The following SPG21 variants were observed in gnomAD, a reference collection of about 807,000 sequenced individuals.
The protein encoded by SPG21 is SPG21 abhydrolase domain containing, maspardin.
A neutral mutation model predicts 38.9 loss-of-function variants in SPG21; 26 were observed. The ratio of observed to expected loss-of-function variants is 0.67; its 90% CI spans 0.49 to 0.93. The LOEUF is 0.93. Ranked by LOEUF, SPG21 falls within the 40% of genes least tolerant of loss-of-function variation. SPG21 has a pLI of 0.00. For synonymous variants in SPG21, 136 were observed against 128.9 expected (o/e 1.05, Z -0.37); for missense variants, 333 against 376.5 (o/e 0.88, Z 0.96).
At chr15:64,979,305 T>C (rs2085842677) in intron 3 of SPG21, among the ~76,000 whole-genome samples, 3 of 152,070 alleles carry the variant, frequency 2.0e-5, no homozygotes, top group African/African-American at 7.2e-5. Flanking sequence ...TTGCTCGGTT[T>C]CCCCCTCCCT....
chr15:64,968,319 AAC>A (rs1408314222), intron 7 of SPG21, among the ~76,000 whole-genome samples: 1 of 148,356 alleles, frequency 6.7e-6, no homozygotes. Flanking sequence ...CAGCCTGGGG[AAC>A]AGAGTGAGAC....
At chr15:64,987,929 G>A (rs576056921) in intron 1 of SPG21, among the ~76,000 whole-genome samples, 26 of 152,346 alleles carry the variant, frequency 1.7e-4, no homozygotes, top group South Asian at 4.1e-4. Flanking sequence ...AGCTACGCAG[G>A]AAGCTGAGGC....
chr15:64,983,711 C>A, intron 1 of SPG21, 118 bp from the exon 2 acceptor site: 1 of 696,126 alleles, frequency 1.4e-6, no homozygotes, highest in Non-Finnish European at 2.5e-6. Flanking sequence ...AGGAAACTGG[C>A]TATTTTGTCA....
At position 64,974,759 on chromosome 15, in the gene SPG21, C is replaced by G; in HGVS notation, c.307-12G>C. ...CCAAAAAGATGAACCTAATTATAAA[C>G]AAATATAAGGCAGATTCTGAAATAC... On this transcript the variant is annotated splice_polypyrimidine_tract_variant and intron_variant, in intron 4 of 8. Transcript: ENST00000204566. 1.2e-6 allele frequency: 2 copies of G among 1,614,040 alleles called. No individual in the cohort carries two copies. The highest frequency in any genetic ancestry group is 1.7e-6 in the Non-Finnish European group (2 of 1,179,990).
chr15:64,971,434 G>A (rs1378641701), intron 5 of SPG21, among the ~76,000 whole-genome samples: 6 of 152,068 alleles, frequency 3.9e-5, no homozygotes, highest in South Asian at 2.1e-4. Flanking sequence ...AGCTACTCGG[G>A]AGGCTGAGGC....
chr15:64,974,827 T>A, intron 4 of SPG21, 80 bp from the exon 5 acceptor site: 1 of 1,506,056 alleles, frequency 6.6e-7, no homozygotes, highest in Non-Finnish European at 9.2e-7. Flanking sequence ...GCTTCAATTA[T>A]CACTAACCAC....
At chr15:64,988,772 G>A (rs1049476760) in intron 1 of SPG21, 3 of 152,370 alleles carry the variant, frequency 2.0e-5, no homozygotes, top group African/African-American at 7.2e-5. Context: ...CACGAGGTCA[G>A]GAGATCGAGG....
intron 7 of SPG21, among the ~76,000 whole-genome samples, chr15:64,968,534 G>A (rs1039150156): frequency 6.6e-6 from 1 of 151,980 alleles, no homozygotes; most frequent in African/African-American, 2.4e-5. Context: ...ATCAGAGGCC[G>A]GGGGAAGAAA....
At chr15:64,969,159 A>C in intron 7 of SPG21, 96 bp downstream of exon 7, 1 of 863,870 alleles carries the variant, frequency 1.2e-6, no homozygotes, top group Non-Finnish European at 1.9e-6. Context: ...CAGCATTTGA[A>C]GAGGTACATT....
At chr15:64,966,548 A>G (rs1052843294) in intron 7 of SPG21, among the ~76,000 whole-genome samples, 9 of 152,170 alleles carry the variant, frequency 5.9e-5, no homozygotes, top group African/African-American at 2.2e-4. Flanking sequence ...AGAGGATGAT[A>G]AGAAGTTGTT....
chr15:64,982,698 T>C (rs2085907019), intron 2 of SPG21, among the ~76,000 whole-genome samples: 1 of 152,196 alleles, frequency 6.6e-6, no homozygotes, highest in African/African-American at 2.4e-5. Context: ...TGGGATTAAT[T>C]TGGGAAGCAG....
At chr15:64,972,833 AAAAC>A (rs374213089) in intron 5 of SPG21, among the ~76,000 whole-genome samples, 12 of 151,952 alleles carry the variant, frequency 7.9e-5, no homozygotes, top group East Asian at 5.8e-4. Context: ...CTCCATCTCA[AAAAC>A]AAACAAACAA....
In SPG21 at chr15:64,963,505, A is replaced by G. The variant is rs1057225709; in HGVS notation, c.*115T>C. On this transcript the variant is annotated 3_prime_UTR_variant, in exon 9 of 9. Transcript: ENST00000204566. ...ACCATCAGTCCTACTTCCCAGACAC[A>G]GTGAGAACCGGTGAGCCTGACGAAC... The G allele has an allele frequency of 7.6e-6, 6 of 794,094 alleles. No individual in the cohort carries two copies. The African/African-American group carries it at 1.0e-4, about 13-fold the overall frequency. 49.2% of individuals were successfully genotyped at this position (794,094 alleles called of 1,614,324 possible). A position where few individuals can be genotyped will look rare whatever the true frequency, so the allele number is the denominator to read the frequency against.
chr15:64,966,826 G>A (rs1342939171), intron 7 of SPG21, among the ~76,000 whole-genome samples: 1 of 152,104 alleles, frequency 6.6e-6, no homozygotes, highest in African/African-American at 2.4e-5. Context: ...GTCAACCCAG[G>A]AGGCGGAGCT....
intron 3 of SPG21, 130 bp downstream of exon 3, chr15:64,980,734 T>C: frequency 1.2e-6 from 1 of 822,184 alleles, no homozygotes; most frequent in East Asian, 2.8e-5. Flanking sequence ...TGAGAATCCA[T>C]CTCAACAAAC....
At chr15:64,970,350 G>T in intron 5 of SPG21, 128 bp from the exon 6 acceptor site, 2 of 755,394 alleles carry the variant, frequency 2.6e-6, no homozygotes, top group Non-Finnish European at 4.6e-6. Flanking sequence ...CCTCCAAAGA[G>T]CTCAGCATCT....
chr15:64,987,787 C>T (rs2086024863), intron 1 of SPG21, among the ~76,000 whole-genome samples: 2 of 152,210 alleles, frequency 1.3e-5, no homozygotes, highest in South Asian at 4.1e-4. Context: ...ATAATCCCAG[C>T]ACTTTGGGAG....
rs2085523526 is a variant in SPG21, at chr15:64,965,464, TA to T, written c.670-5del. 1 of 1,614,150 alleles carries T rather than the reference TA, an allele frequency of 6.2e-7. No individual in the cohort carries two copies. The highest frequency in any genetic ancestry group is 8.5e-7 in the Non-Finnish European group (1 of 1,180,024). Reference sequence around the variant, plus strand: ...AAAGCGCACTCTGATCAAACACCTTTAAAAAACACAAAGCTTCAGCACCATA... The same window carrying T: ...AAAGCGCACTCTGATCAAACACCTTTAAAAACACAAAGCTTCAGCACCATA... On this transcript the variant is annotated splice_polypyrimidine_tract_variant and splice_region_variant and intron_variant, in intron 7 of 8. Coordinates refer to ENST00000204566, the MANE Select transcript of SPG21 (RefSeq NM_016630.7).
intron 5 of SPG21, among the ~76,000 whole-genome samples, chr15:64,972,698 G>T (rs1246015467): frequency 1.3e-5 from 2 of 152,196 alleles, no homozygotes; most frequent in African/African-American, 2.4e-5. Flanking sequence ...CAGGCATGGT[G>T]GCGGGCGCCT....
Sources: allele counts gnomAD v4.1 joint callset (sites outside exome capture counted in the v4.1 genomes callset), GRCh38; gene constraint gnomAD v4.1.1; transcripts MANE v1.5; gene names NCBI Gene and HGNC (gene_info 2026-07-23, HGNC 2026-07-21).